Variants in MECOM observed in about 807,000 individuals in gnomAD.
MECOM encodes histone-lysine N-methyltransferase MECOM.
Under a neutral mutation model 116.3 loss-of-function variants are expected in MECOM, and 13 were observed. That is an observed-to-expected ratio of 0.11 (90% CI 0.07 to 0.18). The LOEUF (loss-of-function observed/expected upper bound fraction) is 0.18. MECOM is among the 10% of genes least tolerant of loss of function. The pLI, the probability that MECOM is intolerant of heterozygous loss-of-function variation, is 1.00. For synonymous variants in MECOM, 528 were observed against 535.2 expected (o/e 0.99, Z 0.19); for missense variants, 1,299 against 1,509.0 (o/e 0.86, Z 2.31).
At position 169,149,931 on chromosome 3, in the gene MECOM, CTCTCTGTG is replaced by C. The variant is rs1370949854; in HGVS notation, c.376-6107_376-6100del. On this transcript the variant is annotated intron_variant, in intron 2 of 16. Transcript: ENST00000651503. ...ACTAAATCTTAATCTCTCTTTCTCT[CTCTCTGTG>C]TGTGTGTGTGTGTGTGTGTGTGTGT... Among the ~76,000 whole-genome samples, 578 of 124,146 alleles carry C rather than the reference CTCTCTGTG, an allele frequency of 4.7e-3. 2 individuals are homozygous for C. Among genetic ancestry groups the C allele is most frequent in the South Asian group, 0.02 (66 of 3,288 alleles). 81.4% of individuals were successfully genotyped at this position (124,146 alleles called of 152,430 possible).
At chr3:169,284,726 C>T (rs2149684872) in intron 2 of MECOM, among the ~76,000 whole-genome samples, 1 of 152,252 alleles carries the variant, frequency 6.6e-6, no homozygotes, top group Non-Finnish European at 1.5e-5. Flanking sequence ...GTTCACAAAG[C>T]TTAAAGCACT....
chr3:169,196,602 A>G (rs1045347043), intron 2 of MECOM, among the ~76,000 whole-genome samples: 1 of 152,100 alleles, frequency 6.6e-6, no homozygotes, highest in Non-Finnish European at 1.5e-5. Context: ...AAAAATGAGT[A>G]GCATTCACAC....
At chr3:169,591,051 G>A (rs1766346611) in intron 1 of MECOM, among the ~76,000 whole-genome samples, 1 of 152,108 alleles carries the variant, frequency 6.6e-6, no homozygotes, top group Non-Finnish European at 1.5e-5. Context: ...GGAGTTTTCT[G>A]CTAGCAAGTC....
chr3:169,150,605 G>A (rs1741025354), intron 2 of MECOM, among the ~76,000 whole-genome samples: 1 of 152,100 alleles, frequency 6.6e-6, no homozygotes, highest in Middle Eastern at 3.2e-3. Flanking sequence ...TGGAGTAGGA[G>A]AACAAACTAA....
chr3:169,205,464 T>C (rs143940497), intron 2 of MECOM, among the ~76,000 whole-genome samples: 1 of 152,328 alleles, frequency 6.6e-6, no homozygotes, highest in East Asian at 1.9e-4. Flanking sequence ...CACCGTACTG[T>C]ACATTCCATT....
chr3:169,150,491 C>T (rs1044216115), intron 2 of MECOM, among the ~76,000 whole-genome samples: 2 of 152,226 alleles, frequency 1.3e-5, no homozygotes, highest in African/African-American at 4.8e-5. Flanking sequence ...GTGTTTAGCA[C>T]TGCCCTTGAA....
intron 1 of MECOM, among the ~76,000 whole-genome samples, chr3:169,486,880 A>G (rs1368261962): frequency 1.3e-5 from 2 of 152,154 alleles, no homozygotes; most frequent in Non-Finnish European, 2.9e-5. Flanking sequence ...AAGCAAGCAG[A>G]CAAAAGGAAC....
chr3:169,256,454 A>C (rs539453783), intron 2 of MECOM, among the ~76,000 whole-genome samples: 3 of 152,312 alleles, frequency 2.0e-5, no homozygotes, highest in African/African-American at 7.2e-5. Flanking sequence ...AGTAAAAATA[A>C]TTCTGTGGGA....
chr3:169,614,114 C>CTTTTTTTTTTTTT (rs34798812), intron 1 of MECOM, among the ~76,000 whole-genome samples: 1 of 138,180 alleles, frequency 7.2e-6, no homozygotes. Flanking sequence ...TTTCTTTTTT[C>CTTTTTTTTTTTTT]TTTTTTTTTT....
intron 1 of MECOM, among the ~76,000 whole-genome samples, chr3:169,625,069 A>G (rs1317099015): frequency 1.3e-5 from 2 of 152,042 alleles, no homozygotes; most frequent in African/African-American, 2.4e-5. Context: ...AAGGAAAAAG[A>G]AAAGAAAACT....
At chr3:169,607,519 T>C (rs1768743146) in intron 1 of MECOM, among the ~76,000 whole-genome samples, 1 of 152,242 alleles carries the variant, frequency 6.6e-6, no homozygotes, top group Admixed American at 6.5e-5. Context: ...CCTACCACTA[T>C]AAAACAATCA....
chr3:169,267,938 A>G lies in MECOM; in HGVS notation c.375+113249T>C, dbSNP rs554973625. On this transcript the variant is annotated intron_variant, in intron 2 of 16. Transcript: ENST00000651503. ...ATTTACATTAAGACATATAAGCCAT[A>G]AGTCACTTATTTCATTCTGGAAGAT... 2.0e-5 allele frequency among the ~76,000 whole-genome samples: 3 copies of G among 152,186 alleles called. No homozygotes were observed. The South Asian group carries it at 6.3e-4, about 32-fold the overall frequency.
chr3:169,382,655 G>T (rs223103), intron 1 of MECOM, among the ~76,000 whole-genome samples: 1 of 151,408 alleles, frequency 6.6e-6, no homozygotes, highest in South Asian at 2.1e-4. Flanking sequence ...TGAAAATTAC[G>T]AAGAAACAGA....
intron 1 of MECOM, among the ~76,000 whole-genome samples, chr3:169,595,902 T>A (rs1222300521): frequency 6.7e-6 from 1 of 149,468 alleles, no homozygotes; most frequent in Non-Finnish European, 1.5e-5. Context: ...AGAAAAAACA[T>A]CAAATCCAAA....
intron 1 of MECOM, among the ~76,000 whole-genome samples, chr3:169,489,835 G>C (rs1752862898): frequency 6.6e-6 from 1 of 152,118 alleles, no homozygotes; most frequent in Non-Finnish European, 1.5e-5. Context: ...TCTAAAACAA[G>C]ATGCCACTAT....
intron 1 of MECOM, among the ~76,000 whole-genome samples, chr3:169,580,154 G>A (rs1226265707): frequency 1.3e-5 from 2 of 152,200 alleles, no homozygotes; most frequent in African/African-American, 4.8e-5. Context: ...ATTTTGAAGT[G>A]CAGAAATTGA....
chr3:169,254,684 T>G (rs1338142104), intron 2 of MECOM, among the ~76,000 whole-genome samples: 2 of 152,084 alleles, frequency 1.3e-5, no homozygotes, highest in Non-Finnish European at 2.9e-5. Context: ...ATAATATTAC[T>G]CTCAGATAAC....
intron 1 of MECOM, among the ~76,000 whole-genome samples, chr3:169,627,407 T>C (rs1047912261): frequency 7.9e-5 from 12 of 152,368 alleles, no homozygotes; most frequent in South Asian, 2.1e-4. Flanking sequence ...ACCCAGCAGC[T>C]TAATTAATGC....
chr3:169,389,477 A>T (rs924368460), intron 1 of MECOM: 1 of 732,658 alleles, frequency 1.4e-6, no homozygotes, highest in East Asian at 1.3e-4. Context: ...TCAGATAGAT[A>T]GTTTTTCTTT....
Sources: gnomAD v4.1 joint callset for allele counts (sites outside exome capture counted in the v4.1 genomes callset) on GRCh38, gnomAD v4.1.1 for gene constraint, MANE v1.5 for transcripts, NCBI Gene and HGNC (gene_info 2026-07-23, HGNC 2026-07-21) for gene names.